Variants in DENND2B observed in about 807,000 individuals in gnomAD.
DENND2B encodes the protein DENN domain-containing protein 2B.
A neutral mutation model predicts 116.0 loss-of-function variants in DENND2B; 32 were observed. The observed-to-expected ratio is 0.28, with a 90% CI of 0.21 to 0.37. DENND2B has a LOEUF of 0.37. Among genes scored for constraint, DENND2B ranks in the 10% least tolerant of loss-of-function variants. The probability of loss-of-function intolerance (pLI) is 1.00; values close to 1 mark genes in which losing one functional copy is unlikely to be tolerated. For missense variants in DENND2B, 1,276 were observed against 1,477.7 expected, an observed-to-expected ratio of 0.86 and a Z score of 2.24; for synonymous variants, 588 against 583.9, an observed-to-expected ratio of 1.01 and a Z score of -0.10.
chr11:8,799,922 TTATTATTATTATTATTATTA>T (rs2060171580), intron 1 of DENND2B, among the ~76,000 whole-genome samples: 1 of 1,366 alleles, frequency 7.3e-4, no homozygotes, highest in Non-Finnish European at 0.026. Context: ...CATGTATTTA[TTATTATTATTATTATTATTA>T]TTATTATTAT....
chr11:8,753,332 A>T (rs1424188502), intron 1 of DENND2B, among the ~76,000 whole-genome samples: 1 of 152,248 alleles, frequency 6.6e-6, no homozygotes, highest in East Asian at 1.9e-4. Context: ...ATAGCAGCAA[A>T]AATAATAAAT....
chr11:8,739,675 C>A (rs2049842896), intron 2 of DENND2B, among the ~76,000 whole-genome samples: 1 of 152,212 alleles, frequency 6.6e-6, no homozygotes, highest in Non-Finnish European at 1.5e-5. Context: ...TCAACACAGG[C>A]ATGGATGCCA....
intron 1 of DENND2B, among the ~76,000 whole-genome samples, chr11:8,904,200 T>C (rs905500858): frequency 6.6e-6 from 1 of 152,006 alleles, no homozygotes; most frequent in African/African-American, 2.4e-5. Context: ...GCAAACCAAA[T>C]TCAACAACGA....
At chr11:8,736,125 C>T (rs574612230) in intron 2 of DENND2B, among the ~76,000 whole-genome samples, 2 of 152,156 alleles carry the variant, frequency 1.3e-5, no homozygotes, top group Admixed American at 6.5e-5. Flanking sequence ...TGCATCTGAA[C>T]GAAGGAAGCC....
At chr11:8,891,322 A>C (rs979386945) in intron 1 of DENND2B, among the ~76,000 whole-genome samples, 5 of 152,244 alleles carry the variant, frequency 3.3e-5, no homozygotes, top group African/African-American at 1.2e-4. Context: ...CTACGAGGAA[A>C]CTGCATCAAC....
At chr11:8,819,146 A>G (rs1448445365) in intron 4 of DENND2B, among the ~76,000 whole-genome samples, 4 of 152,158 alleles carry the variant, frequency 2.6e-5, no homozygotes, top group Non-Finnish European at 5.9e-5. Context: ...TGTAATTCCA[A>G]CAATCTGAGA....
intron 2 of DENND2B, among the ~76,000 whole-genome samples, chr11:8,742,295 GAGC>G (rs1420431942): frequency 6.6e-6 from 1 of 152,184 alleles, no homozygotes; most frequent in African/African-American, 2.4e-5. Context: ...TGGAGTCTGG[GAGC>G]ATAAGAACAT....
chr11:8,845,937 A>G (rs532062422), intron 3 of DENND2B, among the ~76,000 whole-genome samples: 1 of 152,286 alleles, frequency 6.6e-6, no homozygotes, highest in Non-Finnish European at 1.5e-5. Flanking sequence ...GTGTCTAGAA[A>G]CCAAAAATAC....
chr11:8,846,972 GAC>G (rs147209649), intron 3 of DENND2B, among the ~76,000 whole-genome samples: 5,507 of 152,280 alleles, frequency 0.036, 332 homozygotes, highest in African/African-American at 0.13. Context: ...AGTTCCAATG[GAC>G]ACACACTGTC....
chr11:8,863,526 C>G (rs1289829563), intron 2 of DENND2B, among the ~76,000 whole-genome samples: 1 of 152,090 alleles, frequency 6.6e-6, no homozygotes, highest in African/African-American at 2.4e-5. Flanking sequence ...AGCCACTGCG[C>G]CCGGCCTGCC....
At chr11:8,709,960 C>T (rs1394066593) in intron 11 of DENND2B, among the ~76,000 whole-genome samples, 2 of 152,098 alleles carry the variant, frequency 1.3e-5, no homozygotes, top group Admixed American at 1.3e-4. Context: ...TTTATATGAG[C>T]ACGTGCCTGA....
chr11:8,910,262 G>A (rs568609550), intron 1 of DENND2B, among the ~76,000 whole-genome samples: 1 of 151,342 alleles, frequency 6.6e-6, no homozygotes, highest in African/African-American at 2.4e-5. Context: ...CCTCAATCCC[G>A]AGCTGTTCCC....
intron 2 of DENND2B, among the ~76,000 whole-genome samples, chr11:8,746,441 A>G (rs1358025217): frequency 2.0e-5 from 3 of 152,234 alleles, no homozygotes; most frequent in South Asian, 4.1e-4. Context: ...TTCCAACTCT[A>G]ACATCCCAAC....
At chr11:8,797,237 G>T (rs2059893518) in intron 1 of DENND2B, among the ~76,000 whole-genome samples, 1 of 152,158 alleles carries the variant, frequency 6.6e-6, no homozygotes, top group Admixed American at 6.5e-5. Context: ...AAAATGCCTA[G>T]TATAACACAA....
In DENND2B at chr11:8,704,106, G is replaced by A. The variant is rs558601674; in HGVS notation, c.2572-1386C>T. ...ATTCACACAGGCTGCTCCCACTCCC[G>A]GCCTTGTTCCCTGCATCCCTGCCTT... is the stretch of plus-strand genomic sequence containing the variant. On this transcript the variant is annotated intron_variant, in intron 13 of 19. Coordinates refer to ENST00000313726, the MANE Select transcript of DENND2B (RefSeq NM_213618.2). Among the ~76,000 whole-genome samples, 7 of 152,232 alleles carry A rather than the reference G, an allele frequency of 4.6e-5. No individual in the cohort carries two copies. In the South Asian group the frequency reaches 1.0e-3, roughly 23 times the overall value.
At chr11:8,800,906 G>A (rs1392276159) in intron 1 of DENND2B, among the ~76,000 whole-genome samples, 1 of 152,066 alleles carries the variant, frequency 6.6e-6, no homozygotes, top group Non-Finnish European at 1.5e-5. Context: ...TCCTCTGAAA[G>A]AGGAGTGAGA....
upstream of DENND2B, among the ~76,000 whole-genome samples, chr11:8,876,291 T>C (rs945605093): frequency 2.0e-5 from 3 of 152,174 alleles, no homozygotes; most frequent in Non-Finnish European, 4.4e-5. Flanking sequence ...ATTTCAAGTA[T>C]TACTGAGGTT....
intron 4 of DENND2B, 54 bp downstream of exon 4, chr11:8,726,017 CCT>C: frequency 6.2e-7 from 1 of 1,611,182 alleles, no homozygotes; most frequent in Non-Finnish European, 8.5e-7. Context: ...TCCTCCTGTT[CCT>C]GTTCTTCTGC....
intron 3 of DENND2B, 170 bp from the exon 4 acceptor site, chr11:8,726,379 T>A: frequency 1.2e-6 from 1 of 830,814 alleles, no homozygotes; most frequent in Non-Finnish European, 1.8e-6. Flanking sequence ...ACAGATGGTC[T>A]GAAAGGCCCC....
Sources: allele counts gnomAD v4.1 joint callset (sites outside exome capture counted in the v4.1 genomes callset), GRCh38; gene constraint gnomAD v4.1.1; transcripts MANE v1.5; gene names NCBI Gene and HGNC (gene_info 2026-07-23, HGNC 2026-07-21).